Variants in TM9SF2 observed in about 807,000 individuals in gnomAD.
TM9SF2 encodes the protein 76 kDa membrane protein.
A neutral mutation model predicts 84.9 loss-of-function variants in TM9SF2; 13 were observed. That is an observed-to-expected ratio of 0.15 (90% CI 0.10 to 0.24). The LOEUF is 0.24. Ranked by LOEUF, TM9SF2 falls within the 10% of genes least tolerant of loss-of-function variation. TM9SF2 has a pLI of 1.00. For synonymous variants in TM9SF2, 273 were observed against 285.8 expected (o/e 0.96, Z 0.45); for missense variants, 562 against 818.5 (o/e 0.69, Z 3.82).
chr13:99,557,912 A>G (rs1157672891), intron 15 of TM9SF2, among the ~76,000 whole-genome samples: 4 of 152,210 alleles, frequency 2.6e-5, no homozygotes, highest in Non-Finnish European at 4.4e-5. Flanking sequence ...ATTCAAGGTT[A>G]TGAAGATTTA....
At chr13:99,512,633 G>A (rs2046118394) in intron 1 of TM9SF2, among the ~76,000 whole-genome samples, 1 of 152,222 alleles carries the variant, frequency 6.6e-6, no homozygotes, top group Admixed American at 6.5e-5. Flanking sequence ...ATAAACAGAA[G>A]ATTAACATGG....
chr13:99,534,657 A>G (rs895190254), intron 4 of TM9SF2, among the ~76,000 whole-genome samples: 15 of 152,346 alleles, frequency 9.8e-5, no homozygotes, highest in Admixed American at 7.8e-4. Context: ...AACTGTTTCA[A>G]ATGGAGTCCT....
At chr13:99,535,273 G>C (rs906593444) in intron 4 of TM9SF2, among the ~76,000 whole-genome samples, 1 of 152,040 alleles carries the variant, frequency 6.6e-6, no homozygotes, top group African/African-American at 2.4e-5. Flanking sequence ...ATACATTTAG[G>C]ATGTTGGCTT....
chr13:99,505,556 G>C (rs771177086), intron 1 of TM9SF2, among the ~76,000 whole-genome samples: 1 of 152,158 alleles, frequency 6.6e-6, no homozygotes, highest in Non-Finnish European at 1.5e-5. Flanking sequence ...TGAAACCATA[G>C]TAATAAAAGA....
chr13:99,540,888 T>C (rs1002127593), intron 8 of TM9SF2, 95 bp downstream of exon 8: 4 of 1,149,850 alleles, frequency 3.5e-6, no homozygotes, highest in Non-Finnish European at 5.0e-6. Context: ...TCTACTTTAT[T>C]CAAAAGTCTG....
intron 3 of TM9SF2, among the ~76,000 whole-genome samples, chr13:99,526,126 G>A (rs777433716): frequency 6.6e-6 from 1 of 152,198 alleles, no homozygotes. Context: ...TAGGCAGCAT[G>A]GCCACCCCAC....
At chr13:99,557,855 C>A (rs1254918030) in intron 15 of TM9SF2, among the ~76,000 whole-genome samples, 2 of 151,782 alleles carry the variant, frequency 1.3e-5, no homozygotes, top group African/African-American at 2.4e-5. Context: ...CAGAGTGAGA[C>A]CCTGTCTCCT....
At chr13:99,504,915 C>T (rs1309599425) in intron 1 of TM9SF2, among the ~76,000 whole-genome samples, 1 of 151,964 alleles carries the variant, frequency 6.6e-6, no homozygotes, top group African/African-American at 2.4e-5. Context: ...TAGATTGGGC[C>T]CAATTTTTCT....
In TM9SF2 at chr13:99,501,539, G is replaced by C; in HGVS notation, c.-68G>C. On this transcript the variant is annotated 5_prime_UTR_variant, in exon 1 of 17. Transcript: ENST00000376387. ...CTCTGGCGGCCTTGTAGTCGTCTCC[G>C]AGACTCCCCACCCCTCCTTCCCTCT... The C allele has an allele frequency of 6.4e-7, 1 of 1,552,492 alleles. No individual in the cohort carries two copies. Among genetic ancestry groups the C allele is most frequent in the Non-Finnish European group, 8.7e-7 (1 of 1,148,942 alleles).
chr13:99,551,868 T>G (rs2046306648), intron 12 of TM9SF2, among the ~76,000 whole-genome samples: 1 of 152,226 alleles, frequency 6.6e-6, no homozygotes, highest in Admixed American at 6.5e-5. Context: ...AGACGCCTGC[T>G]GCAGTTTTCA....
chr13:99,554,770 T>C (rs1218976628), intron 14 of TM9SF2, among the ~76,000 whole-genome samples: 2 of 152,230 alleles, frequency 1.3e-5, no homozygotes, highest in African/African-American at 4.8e-5. Context: ...GTTGAGTAAT[T>C]TGCTTGTGTT....
intron 4 of TM9SF2, among the ~76,000 whole-genome samples, chr13:99,529,990 T>G (rs1484802311): frequency 6.6e-6 from 1 of 152,166 alleles, no homozygotes; most frequent in East Asian, 1.9e-4. Flanking sequence ...AAAGTTATGT[T>G]TATACTACAT....
At chr13:99,508,434 CA>C (rs1297098210) in intron 1 of TM9SF2, among the ~76,000 whole-genome samples, 1 of 151,392 alleles carries the variant, frequency 6.6e-6, no homozygotes, top group African/African-American at 2.4e-5. Flanking sequence ...CACACACACA[CA>C]CACACACACC....
At chr13:99,540,086 C>G (rs2046251572) in intron 7 of TM9SF2, among the ~76,000 whole-genome samples, 2 of 152,054 alleles carry the variant, frequency 1.3e-5, no homozygotes, top group Non-Finnish European at 2.9e-5. Flanking sequence ...TGAAGAGTTT[C>G]CGATTGGGAG....
intron 2 of TM9SF2, among the ~76,000 whole-genome samples, chr13:99,518,660 G>A (rs1038597275): frequency 1.2e-4 from 19 of 152,138 alleles, no homozygotes; most frequent in African/African-American, 4.1e-4. Context: ...GCAGTGGCAC[G>A]ATCATGGCTC....
At chr13:99,506,060 A>T (rs1005938782) in intron 1 of TM9SF2, among the ~76,000 whole-genome samples, 2 of 152,226 alleles carry the variant, frequency 1.3e-5, no homozygotes, top group Admixed American at 6.5e-5. Flanking sequence ...CAACTTTTTA[A>T]TAAAAAGGAA....
At chr13:99,533,954 C>A (rs186645444) in intron 4 of TM9SF2, among the ~76,000 whole-genome samples, 310 of 152,340 alleles carry the variant, frequency 2.0e-3, no homozygotes, top group Non-Finnish European at 3.3e-3. Context: ...CAGGCGCGAG[C>A]CACCGCTCCT....
At chr13:99,547,450 T>C (rs1173620860) in intron 11 of TM9SF2, among the ~76,000 whole-genome samples, 1 of 152,184 alleles carries the variant, frequency 6.6e-6, no homozygotes, top group African/African-American at 2.4e-5. Flanking sequence ...AGTATACAAA[T>C]GAGTATCACT....
intron 16 of TM9SF2, among the ~76,000 whole-genome samples, chr13:99,561,612 A>G (rs1352408493): frequency 3.3e-5 from 5 of 152,206 alleles, no homozygotes; most frequent in African/African-American, 9.6e-5. Context: ...TACATGTACA[A>G]TGTAAGGATG....
Sources: gnomAD v4.1 joint callset for allele counts (sites outside exome capture counted in the v4.1 genomes callset) on GRCh38, gnomAD v4.1.1 for gene constraint, MANE v1.5 for transcripts, NCBI Gene and HGNC (gene_info 2026-07-23, HGNC 2026-07-21) for gene names.